Variants in IFRD1 observed in about 807,000 individuals in gnomAD.
The protein encoded by IFRD1 is interferon related developmental regulator 1.
IFRD1 carries 35 observed loss-of-function variants against 52.9 expected under a neutral mutation model. The ratio of observed to expected loss-of-function variants is 0.66; its 90% CI spans 0.51 to 0.88. The LOEUF is 0.88. IFRD1 is among the 40% of genes least tolerant of loss of function. The pLI, the probability that IFRD1 is intolerant of heterozygous loss-of-function variation, is 0.00. For synonymous variants in IFRD1, 184 were observed against 188.4 expected, an observed-to-expected ratio of 0.98 and a Z score of 0.19; for missense variants, 517 against 550.8, an observed-to-expected ratio of 0.94 and a Z score of 0.61.
intron 8 of IFRD1, 92 bp downstream of exon 8, chr7:112,462,470 G>A: frequency 2.3e-6 from 2 of 855,800 alleles, no homozygotes; most frequent in African/African-American, 1.7e-5. Context: ...AATAACTTTG[G>A]AACATGGCCA....
At chr7:112,431,314 G>A (rs1191946271) in intron 1 of IFRD1, among the ~76,000 whole-genome samples, 5 of 152,098 alleles carry the variant, frequency 3.3e-5, no homozygotes, top group African/African-American at 9.7e-5. Flanking sequence ...TAAATATGTG[G>A]TAACAAAATT....
At chr7:112,444,886 C>G (rs112633311) in intron 1 of IFRD1, among the ~76,000 whole-genome samples, 25 of 151,996 alleles carry the variant, frequency 1.6e-4, no homozygotes, top group Non-Finnish European at 2.8e-4. Flanking sequence ...TATCCCAAAC[C>G]TCAGCATCAT....
At chr7:112,460,241 G>GTTTTTTT (rs35314166) in intron 5 of IFRD1, among the ~76,000 whole-genome samples, 13 of 92,968 alleles carry the variant, frequency 1.4e-4, no homozygotes, top group East Asian at 8.1e-4. Flanking sequence ...CAGTCCTAGG[G>GTTTTTTT]TTTTTTTTTT....
intron 1 of IFRD1, among the ~76,000 whole-genome samples, chr7:112,441,231 C>T (rs996204200): frequency 3.3e-5 from 5 of 152,076 alleles, no homozygotes; most frequent in South Asian, 2.1e-4. Flanking sequence ...GCCAACACCA[C>T]GCCACTGCAC....
At chr7:112,443,172 C>T (rs528626878) in intron 1 of IFRD1, among the ~76,000 whole-genome samples, 4 of 152,240 alleles carry the variant, frequency 2.6e-5, no homozygotes, top group South Asian at 4.1e-4. Context: ...TGTTGTCAGT[C>T]GTTTCCCAGG....
At chr7:112,474,043 G>T (rs1314212954) in intron 11 of IFRD1, among the ~76,000 whole-genome samples, 1 of 152,114 alleles carries the variant, frequency 6.6e-6, no homozygotes, top group Admixed American at 6.5e-5. Context: ...TGCTTTGGAG[G>T]TTCATTCATG....
rs1795004487 is a variant in IFRD1, at chr7:112,445,373, G to A, written c.-181-5135G>A. On this transcript the variant is annotated intron_variant, in intron 1 of 12. Transcript: ENST00000005558. ...GAGTTACCCCGCCCGGCCGGCCTAGGCTTTCATCACAACAGACGCACTGTT... is the reference window on the plus strand; with the variant it reads ...GAGTTACCCCGCCCGGCCGGCCTAGACTTTCATCACAACAGACGCACTGTT... 2.0e-5 allele frequency among the ~76,000 whole-genome samples: 3 copies of A among 152,232 alleles called. No individual in the cohort carries two copies. The South Asian group carries it at 6.2e-4, about 32-fold the overall frequency.
chr7:112,470,473 A>G (rs546112518), intron 9 of IFRD1, among the ~76,000 whole-genome samples: 1 of 152,166 alleles, frequency 6.6e-6, no homozygotes, highest in African/African-American at 2.4e-5. Flanking sequence ...TGCCTTGACT[A>G]TTTTAAAAAC....
chr7:112,452,129 T>C, intron 1 of IFRD1: 1 of 980,604 alleles, frequency 1.0e-6, no homozygotes, highest in Non-Finnish European at 1.2e-6. Flanking sequence ...TTGTGGCCTC[T>C]GGTTGCTCTA....
At chr7:112,449,842 T>TGGGGG (rs1795108391), upstream of IFRD1, among the ~76,000 whole-genome samples, 3 of 45,786 alleles carry the variant, frequency 6.6e-5, no homozygotes, top group Non-Finnish European at 9.1e-5. Context: ...GGGGGGGGGA[T>TGGGGG]GGGGGGCACA....
chr7:112,456,123 A>G (rs754235703), intron 3 of IFRD1, 37 bp downstream of exon 3: 17 of 1,129,470 alleles, frequency 1.5e-5, no homozygotes, highest in Non-Finnish European at 2.0e-5. Context: ...GTGTGAGTCT[A>G]TGCTTGATCT....
chr7:112,457,228 CAA>C, intron 4 of IFRD1, 190 bp downstream of exon 4: 1 of 575,316 alleles, frequency 1.7e-6, no homozygotes, highest in South Asian at 2.1e-5. Context: ...TTACGTAAAC[CAA>C]AAAAAAATAG....
intron 1 of IFRD1, among the ~76,000 whole-genome samples, chr7:112,433,411 G>C (rs564426734): frequency 1.6e-4 from 24 of 152,178 alleles, no homozygotes; most frequent in Admixed American, 9.2e-4. Context: ...ATCCATCTGC[G>C]TGGTGCCAGC....
At chr7:112,433,626 T>C (rs1026155615) in intron 1 of IFRD1, among the ~76,000 whole-genome samples, 2 of 152,172 alleles carry the variant, frequency 1.3e-5, no homozygotes, top group African/African-American at 4.8e-5. Flanking sequence ...AGGGGTTTTG[T>C]TTTAGGAAAG....
intron 1 of IFRD1, 120 bp downstream of exon 1, chr7:112,450,902 G>T (rs1584484546): frequency 1.3e-6 from 1 of 749,742 alleles, no homozygotes; most frequent in Non-Finnish European, 2.3e-6. Context: ...TTTCCAGGGT[G>T]CGTGGTTTGG....
At chr7:112,451,373 C>A (rs56058622) in intron 1 of IFRD1, among the ~76,000 whole-genome samples, 8 of 152,284 alleles carry the variant, frequency 5.3e-5, no homozygotes, top group Admixed American at 3.9e-4. Context: ...ACCACTTTCT[C>A]CCCCCTAGGC....
rs1795883949 is a variant in IFRD1, at chr7:112,475,670, G to A, written c.*151G>A. On this transcript the variant is annotated 3_prime_UTR_variant, in exon 12 of 12. Transcript: ENST00000403825. ...TTATAATTTAATGTACAATACTATTGAAACTGGTGAGTTCTGATTATTAAA... is the reference window on the plus strand; with the variant it reads ...TTATAATTTAATGTACAATACTATTAAAACTGGTGAGTTCTGATTATTAAA... 4 of 615,600 alleles carry A rather than the reference G, an allele frequency of 6.5e-6. No individual in the cohort carries two copies. The highest frequency in any genetic ancestry group is 5.9e-5 in the South Asian group (3 of 50,904). The allele number at this position is 615,600 out of a possible 1,614,324, so 38.1% of individuals were successfully genotyped here. A position where few individuals can be genotyped will look rare whatever the true frequency, so the allele number is the denominator to read the frequency against.
At chr7:112,457,359 A>G in intron 4 of IFRD1, 1 of 476,128 alleles carries the variant, frequency 2.1e-6, no homozygotes, top group Non-Finnish European at 3.7e-6. Context: ...CATCTAGCTC[A>G]TTTTCCCTTG....
intron 8 of IFRD1, among the ~76,000 whole-genome samples, chr7:112,463,326 A>G (rs1795492187): frequency 6.6e-6 from 1 of 152,174 alleles, no homozygotes; most frequent in Non-Finnish European, 1.5e-5. Context: ...TTCATTCTGA[A>G]ACTTTTTTGC....
Sources: gnomAD v4.1 joint callset for allele counts (sites outside exome capture counted in the v4.1 genomes callset) on GRCh38, gnomAD v4.1.1 for gene constraint, MANE v1.5 for transcripts, NCBI Gene and HGNC (gene_info 2026-07-23, HGNC 2026-07-21) for gene names.